SNAP91: variants seen among roughly 807,000 people sequenced by gnomAD.
The protein encoded by SNAP91 is synaptosome associated protein 91.
In SNAP91, 27 loss-of-function variants were observed where a neutral mutation model predicts 100.3. The ratio of observed to expected loss-of-function variants is 0.27; its 90% CI spans 0.20 to 0.37. The LOEUF is 0.37. SNAP91 is among the 10% of genes least tolerant of loss of function. SNAP91 has a pLI of 1.00. For synonymous variants in SNAP91, 404 were observed against 398.6 expected (o/e 1.01, Z -0.16); for missense variants, 986 against 1,123.7 (o/e 0.88, Z 1.75).
At chr6:83,607,671 A>ACAGTTAAC (rs1491154432) in intron 13 of SNAP91, 28 bp downstream of exon 13, 1 of 1,335,050 alleles carries the variant, frequency 7.5e-7, no homozygotes, top group South Asian at 1.3e-5. Context: ...ATATTAATAA[A>ACAGTTAAC]CAGTTAACTG....
intron 2 of SNAP91, among the ~76,000 whole-genome samples, chr6:83,697,502 A>G (rs974144577): frequency 6.6e-6 from 1 of 151,984 alleles, no homozygotes; most frequent in Non-Finnish European, 1.5e-5. Context: ...TTAAAATCTA[A>G]CATTTTTTTC....
chr6:83,678,375 A>G (rs1382078581), intron 2 of SNAP91, among the ~76,000 whole-genome samples: 1 of 151,908 alleles, frequency 6.6e-6, no homozygotes, highest in Non-Finnish European at 1.5e-5. Flanking sequence ...AAGAATAGCT[A>G]TTTTATCCTT....
At chr6:83,683,442 T>A (rs560046161) in intron 2 of SNAP91, among the ~76,000 whole-genome samples, 2 of 152,278 alleles carry the variant, frequency 1.3e-5, no homozygotes, top group Non-Finnish European at 2.9e-5. Flanking sequence ...CTTTCTCTAT[T>A]AGTTAATGGG....
chr6:83,681,014 G>C (rs1018805249), intron 2 of SNAP91, among the ~76,000 whole-genome samples: 1 of 152,096 alleles, frequency 6.6e-6, no homozygotes, highest in African/African-American at 2.4e-5. Context: ...TGTGTGCATA[G>C]TGCTTACAAT....
chr6:83,665,366 C>A, intron 3 of SNAP91, 73 bp downstream of exon 3: 1 of 1,433,226 alleles, frequency 7.0e-7, no homozygotes, highest in Non-Finnish European at 9.6e-7. Flanking sequence ...ATTCAAAGAG[C>A]CTTAAATCAT....
rs531058994 is a variant in SNAP91 at position 83,574,736 on chromosome 6, T to A, written c.2442+274A>T. 1.5e-4 allele frequency among the ~76,000 whole-genome samples: 23 copies of A among 152,330 alleles called. No individual in the cohort carries two copies. In the East Asian group the frequency reaches 3.5e-3, roughly 23 times the overall value. The stretch of plus-strand genomic sequence containing the variant: ...ATTATTAAATATAAAGTCATTGGAA[T>A]CTGCATTTTGGTAACTTCTGCATCT... On this transcript the variant is annotated intron_variant, in intron 26 of 29. Transcript: ENST00000369694.
chr6:83,603,555 GA>G (rs2095419965), intron 14 of SNAP91, among the ~76,000 whole-genome samples: 1 of 151,280 alleles, frequency 6.6e-6, no homozygotes, highest in South Asian at 2.1e-4. Context: ...GTAAATCAGT[GA>G]GTTCGTTTTA....
intron 2 of SNAP91, among the ~76,000 whole-genome samples, chr6:83,672,207 A>T (rs534710759): frequency 6.6e-6 from 1 of 152,024 alleles, no homozygotes; most frequent in African/African-American, 2.4e-5. Context: ...CTCTATAGAG[A>T]GCTCATCTCT....
At chr6:83,679,353 A>T (rs557141113) in intron 2 of SNAP91, among the ~76,000 whole-genome samples, 111 of 152,300 alleles carry the variant, frequency 7.3e-4, no homozygotes, top group Non-Finnish European at 1.5e-3. Context: ...AAGAAAAGGG[A>T]AACTAGTTTT....
intron 24 of SNAP91, among the ~76,000 whole-genome samples, chr6:83,579,564 G>C (rs1824985226): frequency 2.0e-5 from 3 of 152,072 alleles, no homozygotes; most frequent in African/African-American, 7.2e-5. Context: ...TATCTACAGT[G>C]GTAAACCCAT....
chr6:83,601,260 G>C lies in SNAP91; in HGVS notation c.1324+11C>G, dbSNP rs535363935. On this transcript the variant is annotated intron_variant, in intron 16 of 29. Coordinates refer to ENST00000369694, the MANE Select transcript of SNAP91 (RefSeq NM_001242792.2). Reference sequence around the variant, plus strand: ...CCTGAAAAAATGAAAGTAGCAGCGAGACTAACTAACCTCCAAAGAGATCCA... The same window carrying C: ...CCTGAAAAAATGAAAGTAGCAGCGACACTAACTAACCTCCAAAGAGATCCA... 1 of 1,612,632 alleles carries C rather than the reference G, an allele frequency of 6.2e-7. No individual in the cohort carries two copies. Among genetic ancestry groups the C allele is most frequent in the African/African-American group, 1.3e-5 (1 of 75,020 alleles).
At chr6:83,645,352 G>A (rs1475220488) in intron 7 of SNAP91, among the ~76,000 whole-genome samples, 3 of 151,676 alleles carry the variant, frequency 2.0e-5, no homozygotes, top group Admixed American at 1.3e-4. Context: ...TCCTAAACAC[G>A]CACAGCCTCC....
At chr6:83,567,390 C>G (rs530561844) in intron 26 of SNAP91, among the ~76,000 whole-genome samples, 1 of 152,226 alleles carries the variant, frequency 6.6e-6, no homozygotes, top group African/African-American at 2.4e-5. Context: ...AGACCGAAAA[C>G]CATAAAAACC....
At position 83,702,767 on chromosome 6, in the gene SNAP91, G is replaced by A. The variant is rs191564902; in HGVS notation, c.130+5031C>T. Among the ~76,000 whole-genome samples, 138 of 150,536 alleles carry A rather than the reference G, an allele frequency of 9.2e-4. 1 individual carries two copies. The highest frequency in any genetic ancestry group is 3.0e-3 in the African/African-American group (123 of 41,048). On this transcript the variant is annotated intron_variant, in intron 2 of 29. Coordinates refer to ENST00000369694, the MANE Select transcript of SNAP91 (RefSeq NM_001242792.2). ...ATTTAACATTATACCATTAAAAAAAGATTCTTTTGAAAATGAGAAAGTAAA... is the reference window on the plus strand; with the variant it reads ...ATTTAACATTATACCATTAAAAAAAAATTCTTTTGAAAATGAGAAAGTAAA...
Position 83,709,045 on chromosome 6 carries a change from C to A in SNAP91, c.-231G>T. The A allele has an allele frequency of 6.5e-6, 1 of 153,794 alleles. No homozygotes were observed. The highest frequency in any genetic ancestry group is 2.0e-4 in the South Asian group (1 of 4,942). 9.5% of individuals were successfully genotyped at this position (153,794 alleles called of 1,614,324 possible). ...GCCCCTGGCCCCAGAAGCCAGTACC[C>A]GCCCGCCGCCGCCTCTTCTGCCAGC... On this transcript the variant is annotated 5_prime_UTR_variant, in exon 1 of 30. Transcript: ENST00000369694.
At chr6:83,583,286 C>T (rs1426659364) in intron 22 of SNAP91, among the ~76,000 whole-genome samples, 1 of 152,152 alleles carries the variant, frequency 6.6e-6, no homozygotes, top group South Asian at 2.1e-4. Context: ...CCCACTGCCC[C>T]GACTCCAACC....
intron 3 of SNAP91, among the ~76,000 whole-genome samples, chr6:83,663,736 A>G (rs2098610338): frequency 6.6e-6 from 1 of 152,208 alleles, no homozygotes; most frequent in South Asian, 2.1e-4. Flanking sequence ...GTTATCCAGA[A>G]GATCTAGCTG....
At chr6:83,599,408 T>G (rs1040318358) in intron 16 of SNAP91, among the ~76,000 whole-genome samples, 1 of 152,220 alleles carries the variant, frequency 6.6e-6, no homozygotes, top group African/African-American at 2.4e-5. Flanking sequence ...ACTTTTTTTC[T>G]GTTAACACAA....
At chr6:83,636,108 T>C (rs948970462) in intron 8 of SNAP91, among the ~76,000 whole-genome samples, 1 of 152,180 alleles carries the variant, frequency 6.6e-6, no homozygotes, top group African/African-American at 2.4e-5. Context: ...GATTTTTTCT[T>C]GTGTTGATCT....
Sources: gnomAD v4.1 joint callset for allele counts (sites outside exome capture counted in the v4.1 genomes callset) on GRCh38, gnomAD v4.1.1 for gene constraint, MANE v1.5 for transcripts, NCBI Gene and HGNC (gene_info 2026-07-23, HGNC 2026-07-21) for gene names.